THNSL1: variants seen among roughly 807,000 people sequenced by gnomAD.
THNSL1 encodes threonine synthase like 1.
A neutral mutation model predicts 50.4 loss-of-function variants in THNSL1; 48 were observed. The ratio of observed to expected loss-of-function variants is 0.95; its 90% CI spans 0.76 to 1.21. THNSL1 has a LOEUF of 1.21. Ranked by LOEUF, THNSL1 falls within the 50% of genes most tolerant of loss-of-function variation. THNSL1 has a pLI of 0.00. For synonymous variants in THNSL1, 309 were observed against 306.1 expected (o/e 1.01, Z -0.10); for missense variants, 896 against 871.7 (o/e 1.03, Z -0.35).
chr10:25,017,214 T>G (rs1253417459), intron 1 of THNSL1, among the ~76,000 whole-genome samples: 1 of 152,214 alleles, frequency 6.6e-6, no homozygotes, highest in Non-Finnish European at 1.5e-5. Context: ...CAGTTTTTGG[T>G]GTCCCTTGTT....
the THNSL1 span, among the ~76,000 whole-genome samples, chr10:25,004,769 A>T: frequency 6.6e-6 from 1 of 152,090 alleles, no homozygotes; most frequent in South Asian, 2.1e-4. Context: ...CTTTAATTAG[A>T]TCCCATATGT....
At chr10:24,963,313 T>C in the THNSL1 span, among the ~76,000 whole-genome samples, 2 of 152,252 alleles carry the variant, frequency 1.3e-5, no homozygotes, top group African/African-American at 2.4e-5. Context: ...TATTCTGTTT[T>C]TCTGTGTGCA....
At chr10:24,959,801 T>G in the THNSL1 span, among the ~76,000 whole-genome samples, 1 of 152,236 alleles carries the variant, frequency 6.6e-6, no homozygotes, top group Non-Finnish European at 1.5e-5. Flanking sequence ...AGAGGTTTTA[T>G]ATATTCTTAA....
the THNSL1 span, among the ~76,000 whole-genome samples, chr10:24,975,489 T>C: frequency 1.9e-4 from 29 of 152,304 alleles, no homozygotes; most frequent in Admixed American, 3.9e-4. Context: ...CATCTTGAAT[T>C]GTAATCTCCA....
chr10:25,007,649 T>C, the THNSL1 span, among the ~76,000 whole-genome samples: 2 of 152,148 alleles, frequency 1.3e-5, no homozygotes, highest in African/African-American at 4.8e-5. Context: ...TTAGCCAGGA[T>C]GTTCTCGATC....
the THNSL1 span, among the ~76,000 whole-genome samples, chr10:25,010,480 CATGTGCACAAT>C: frequency 6.6e-6 from 1 of 151,748 alleles, no homozygotes; most frequent in Non-Finnish European, 1.5e-5. Flanking sequence ...TTTTAGGGTA[CATGTGCACAAT>C]GTGCAGGTTA....
the THNSL1 span, among the ~76,000 whole-genome samples, chr10:25,007,105 T>C: frequency 6.6e-6 from 1 of 152,224 alleles, no homozygotes; most frequent in Admixed American, 6.5e-5. Context: ...CACAGTCTTA[T>C]TCTGTAAAAA....
the THNSL1 span, among the ~76,000 whole-genome samples, chr10:24,980,875 C>A: frequency 7.0e-6 from 1 of 142,542 alleles, no homozygotes; most frequent in African/African-American, 2.8e-5. Context: ...TGCCACCATA[C>A]CCAGCTAAGT....
chr10:25,014,726 A>T (rs1298509534), upstream of THNSL1, among the ~76,000 whole-genome samples: 1 of 152,242 alleles, frequency 6.6e-6, no homozygotes, highest in Admixed American at 6.5e-5. Flanking sequence ...AAATTCTGCA[A>T]CTGTGCCATA....
At chr10:24,952,424 G>A in the THNSL1 span, 1 of 1,301,462 alleles carries the variant, frequency 7.7e-7, no homozygotes, top group South Asian at 1.3e-5. This position sits in a 1 kb window ranked among gnomAD's most constrained non-coding sequence, Gnocchi z 5.1. Flanking sequence ...ACAAAGCGGT[G>A]GCCCTCTCTC....
chr10:24,956,831 G>A, the THNSL1 span, among the ~76,000 whole-genome samples: 3 of 152,128 alleles, frequency 2.0e-5, no homozygotes, highest in African/African-American at 7.2e-5. Context: ...GAGTGTCAGC[G>A]AGCATTCCCA....
chr10:25,003,959 A>G, the THNSL1 span, among the ~76,000 whole-genome samples: 1 of 152,206 alleles, frequency 6.6e-6, no homozygotes, highest in Non-Finnish European at 1.5e-5. Flanking sequence ...TAGTTTGCTA[A>G]GGATAATGGC....
chr10:25,021,132 T>A (rs1388926), intron 1 of THNSL1, among the ~76,000 whole-genome samples: 15,563 of 152,256 alleles, frequency 0.1, 2,306 homozygotes, highest in African/African-American at 0.33. Context: ...CACCCTGCCT[T>A]GTACCTACAT....
the THNSL1 span, among the ~76,000 whole-genome samples, chr10:25,009,411 A>C: frequency 6.6e-6 from 1 of 152,346 alleles, no homozygotes; most frequent in Non-Finnish European, 1.5e-5. Context: ...ATCAATTAAA[A>C]AATAAGATTA....
At position 25,024,491 on chromosome 10, in the gene THNSL1, G is replaced by T. The variant is rs1196340967; in HGVS notation, c.1268G>T (p.Ser423Ile). The stretch of plus-strand genomic sequence containing the variant: ...TTTCAAAAAGCACAAATAATTGGCA[G>T]TCAGAGAGAAAATGGATGGGCAGTG... ...SDFQKAQIIGSQRENGWAVGV... is the reference protein window; with the variant it reads ...SDFQKAQIIGIQRENGWAVGV... The change falls in exon 3 of 3, where the codon AGT becomes ATT. Residue 423 changes from serine to isoleucine, a missense_variant. Ser to Ile is a moderately radical substitution (Grantham distance 142). Coordinates refer to ENST00000376356, the MANE Select transcript of THNSL1 (RefSeq NM_024838.5). 6.2e-7 allele frequency: 1 copy of T among 1,614,088 alleles called. No individual in the cohort carries two copies. The highest frequency in any genetic ancestry group is 1.3e-5 in the African/African-American group (1 of 74,934).
Position 25,024,583 on chromosome 10 carries a change from A to C in THNSL1, c.1360A>C (p.Thr454Pro). The C allele has an allele frequency of 6.2e-7, 1 of 1,614,120 alleles. No homozygotes were observed. ...IKRIFNDSDF[T>P]GFLTVEYGTI... Reference sequence around the variant, plus strand: ...AAGAATTTTTAATGATTCTGATTTTACTGGCTTTCTTACTGTGGAATATGG... The same window carrying C: ...AAGAATTTTTAATGATTCTGATTTTCCTGGCTTTCTTACTGTGGAATATGG... Residue 454 changes from threonine to proline, a missense_variant, in exon 3 of 3, where the codon ACT becomes CCT. By Grantham distance (38) the Thr-to-Pro change is conservative. Transcript: ENST00000376356.
At chr10:24,967,766 G>T in the THNSL1 span, among the ~76,000 whole-genome samples, 6 of 151,564 alleles carry the variant, frequency 4.0e-5, no homozygotes, top group Non-Finnish European at 8.8e-5. Flanking sequence ...GTATATGCAC[G>T]ATGTGTGTAT....
At chr10:24,972,522 A>AAAAT in the THNSL1 span, among the ~76,000 whole-genome samples, 2 of 150,072 alleles carry the variant, frequency 1.3e-5, no homozygotes, top group African/African-American at 5.0e-5. Context: ...AAAAAAAAAT[A>AAAAT]AATAATAATA....
chr10:24,976,166 G>A, the THNSL1 span, among the ~76,000 whole-genome samples: 1 of 152,196 alleles, frequency 6.6e-6, no homozygotes, highest in Non-Finnish European at 1.5e-5. Context: ...AAGATCATAT[G>A]GAAGAGAAGG....
Sources: gnomAD v4.1 joint callset for allele counts (sites outside exome capture counted in the v4.1 genomes callset) on GRCh38, gnomAD v4.1.1 for gene constraint, Gnocchi (gnomAD v3.1) non-coding constraint, MANE v1.5 for transcripts, NCBI Gene and HGNC (gene_info 2026-07-23, HGNC 2026-07-21) for gene names.